Variants in NTM observed in about 807,000 individuals in gnomAD.
The protein encoded by NTM is neurotrimin, also known as IgLON family member 2.
NTM carries 13 observed loss-of-function variants against 42.1 expected under a neutral mutation model. The observed-to-expected ratio is 0.31, with a 90% CI of 0.20 to 0.49. The LOEUF (loss-of-function observed/expected upper bound fraction) is 0.49. Ranked by LOEUF, NTM falls within the 20% of genes least tolerant of loss-of-function variation. The probability of loss-of-function intolerance (pLI) is 0.99; values close to 1 mark genes in which losing one functional copy is unlikely to be tolerated. For synonymous variants in NTM, 187 were observed against 179.2 expected, an observed-to-expected ratio of 1.04 and a Z score of -0.35; for missense variants, 373 against 452.8, an observed-to-expected ratio of 0.82 and a Z score of 1.60.
intron 2 of NTM, among the ~76,000 whole-genome samples, chr11:132,066,378 C>T (rs968577535): frequency 1.3e-5 from 2 of 152,172 alleles, no homozygotes; most frequent in Non-Finnish European, 2.9e-5. Context: ...CATCTGGACC[C>T]TTCTATAGGT....
At chr11:131,479,113 T>G (rs1386957547) in intron 1 of NTM, among the ~76,000 whole-genome samples, 1 of 152,204 alleles carries the variant, frequency 6.6e-6, no homozygotes, top group Non-Finnish European at 1.5e-5. Flanking sequence ...ATAATTCACT[T>G]AAATAACCAC....
chr11:132,086,210 G>C (rs1202891031), intron 2 of NTM, among the ~76,000 whole-genome samples: 1 of 151,474 alleles, frequency 6.6e-6, no homozygotes, highest in African/African-American at 2.4e-5. Flanking sequence ...TGTAGTCCCA[G>C]CCACTTGGGA....
At chr11:131,464,410 T>A (rs369990032) in intron 1 of NTM, among the ~76,000 whole-genome samples, 1 of 152,058 alleles carries the variant, frequency 6.6e-6, no homozygotes, top group Non-Finnish European at 1.5e-5. Context: ...CATTCATGAC[T>A]GAACCGCTCT....
chr11:131,726,444 C>G (rs1301892568), intron 1 of NTM, among the ~76,000 whole-genome samples: 4 of 147,942 alleles, frequency 2.7e-5, no homozygotes, highest in African/African-American at 1.1e-4. Context: ...GAGACACCAG[C>G]CCTTTACTCT....
At chr11:132,314,763 G>A in intron 7 of NTM, 60 bp downstream of exon 7, 1 of 1,520,500 alleles carries the variant, frequency 6.6e-7, no homozygotes, top group Middle Eastern at 1.8e-4. Context: ...GGGAGAGCTG[G>A]GTGGGAGGGC....
intron 1 of NTM, among the ~76,000 whole-genome samples, chr11:131,378,785 C>A (rs1193232114): frequency 6.6e-6 from 1 of 152,152 alleles, no homozygotes; most frequent in Non-Finnish European, 1.5e-5. Flanking sequence ...GTGAGAATTA[C>A]ATATTTCTCT....
intron 1 of NTM, among the ~76,000 whole-genome samples, chr11:131,898,622 G>A (rs1408343606): frequency 6.6e-6 from 1 of 152,146 alleles, no homozygotes; most frequent in Non-Finnish European, 1.5e-5. Context: ...GATGTAACAC[G>A]CCACCTACCC....
intron 2 of NTM, among the ~76,000 whole-genome samples, chr11:131,948,447 T>C (rs1019929089): frequency 4.6e-5 from 7 of 152,194 alleles, no homozygotes; most frequent in Non-Finnish European, 8.8e-5. Flanking sequence ...TTGGGGGAAC[T>C]GCCAACACTT....
intron 1 of NTM, among the ~76,000 whole-genome samples, chr11:131,704,861 T>C (rs1297551520): frequency 6.6e-6 from 1 of 152,092 alleles, no homozygotes; most frequent in Non-Finnish European, 1.5e-5. Context: ...AACAACAGAT[T>C]TGATAAAGCA....
chr11:132,172,099 TTGAGTTAAGTGACCAAAATGAGTTAAG>T (rs2076196791), intron 3 of NTM, among the ~76,000 whole-genome samples: 1 of 152,162 alleles, frequency 6.6e-6, no homozygotes, highest in South Asian at 2.1e-4. Flanking sequence ...CTGCCTTCAT[TTGAGTTAAGTGACCAAAATGAGTTAAG>T]TGAGTTAAGT....
intron 3 of NTM, among the ~76,000 whole-genome samples, chr11:132,175,817 G>A (rs1394180825): frequency 6.6e-6 from 1 of 152,106 alleles, no homozygotes; most frequent in Non-Finnish European, 1.5e-5. Flanking sequence ...ACCCTTAGAA[G>A]TTCCCTACCC....
intron 4 of NTM, among the ~76,000 whole-genome samples, chr11:132,265,692 G>A (rs953808175): frequency 7.9e-5 from 12 of 152,180 alleles, no homozygotes; most frequent in Non-Finnish European, 1.8e-4. Flanking sequence ...TCATTGTGAT[G>A]GTGATGATGA....
chr11:131,727,787 C>G (rs909109794), intron 1 of NTM, among the ~76,000 whole-genome samples: 1 of 152,186 alleles, frequency 6.6e-6, no homozygotes, highest in African/African-American at 2.4e-5. Flanking sequence ...GCTCATTATG[C>G]AAAGCCCAGT....
intron 2 of NTM, among the ~76,000 whole-genome samples, chr11:132,122,465 A>C (rs1251129609): frequency 6.6e-6 from 1 of 152,198 alleles, no homozygotes; most frequent in Non-Finnish European, 1.5e-5. Flanking sequence ...CTTGTAACCT[A>C]AACTGGGGCT....
chr11:131,974,140 TTGAC>T (rs1168379719), intron 2 of NTM, among the ~76,000 whole-genome samples: 3 of 152,240 alleles, frequency 2.0e-5, no homozygotes, highest in African/African-American at 7.2e-5. Context: ...TATGTGTTAA[TTGAC>T]TGTGTTATCA....
At chr11:131,998,443 G>T (rs1288439855) in intron 2 of NTM, among the ~76,000 whole-genome samples, 1 of 152,110 alleles carries the variant, frequency 6.6e-6, no homozygotes, top group Non-Finnish European at 1.5e-5. Context: ...GCTCTGCTTG[G>T]GGCCACCCTG....
rs79821926 is a variant in NTM, at chr11:132,070,699, A to G, written c.168-75583A>G. Among the ~76,000 whole-genome samples the G allele has an allele frequency of 1.6e-3, 215 of 131,876 alleles. 14 individuals carry two copies. Among genetic ancestry groups the G allele is most frequent in the African/African-American group, 4.6e-3 (162 of 35,072 alleles). The allele number at this position is 131,876 out of a possible 152,430, so 86.5% of individuals were successfully genotyped here. On this transcript the variant is annotated intron_variant, in intron 2 of 8. Coordinates refer to ENST00000683400, the MANE Select transcript of NTM (RefSeq NM_001352005.2). ...GCCAAGTTAACACGTCAAACTGACC[A>G]TCACAGGTTAGTTAACACGTCACAC...
At chr11:131,966,912 G>A (rs1247127473) in intron 2 of NTM, among the ~76,000 whole-genome samples, 1 of 152,138 alleles carries the variant, frequency 6.6e-6, no homozygotes, top group African/African-American at 2.4e-5. Flanking sequence ...GGTGCCCAGG[G>A]TCAGATTGTG....
At chr11:131,893,286 C>A (rs2051675813) in intron 1 of NTM, among the ~76,000 whole-genome samples, 1 of 152,116 alleles carries the variant, frequency 6.6e-6, no homozygotes, top group Non-Finnish European at 1.5e-5. Flanking sequence ...GAGGGGGAGC[C>A]AGAAGCCCAC....
Sources: gnomAD v4.1 joint callset for allele counts (sites outside exome capture counted in the v4.1 genomes callset) on GRCh38, gnomAD v4.1.1 for gene constraint, MANE v1.5 for transcripts, NCBI Gene and HGNC (gene_info 2026-07-23, HGNC 2026-07-21) for gene names.